The following FAM13A variants were observed in gnomAD, a reference collection of about 807,000 sequenced individuals.
FAM13A encodes family with sequence similarity 13 member A.
FAM13A carries 76 observed loss-of-function variants against 129.6 expected under a neutral mutation model. The observed-to-expected ratio is 0.59, with a 90% CI of 0.49 to 0.71. The LOEUF is 0.71. Ranked by LOEUF, FAM13A falls within the 30% of genes least tolerant of loss-of-function variation. The probability of loss-of-function intolerance (pLI) is 0.00; values close to 1 mark genes in which losing one functional copy is unlikely to be tolerated. For synonymous variants in FAM13A, 443 were observed against 449.9 expected (o/e 0.98, Z 0.20); for missense variants, 1,108 against 1,249.3 (o/e 0.89, Z 1.70).
At chr4:88,766,772 A>G (rs1282609541) in intron 13 of FAM13A, among the ~76,000 whole-genome samples, 1 of 152,220 alleles carries the variant, frequency 6.6e-6, no homozygotes, top group African/African-American at 2.4e-5. Context: ...AACAGAGACT[A>G]AGAATCATTG....
At chr4:88,749,670 AG>A in intron 16 of FAM13A, 100 bp downstream of exon 16, 1 of 1,238,274 alleles carries the variant, frequency 8.1e-7, no homozygotes, top group African/African-American at 1.5e-5. Context: ...AAGATTCCCT[AG>A]AAGCCTCCCT....
chr4:88,839,083 CT>C (rs1735362015), intron 7 of FAM13A, among the ~76,000 whole-genome samples: 1 of 151,804 alleles, frequency 6.6e-6, no homozygotes, highest in South Asian at 2.1e-4. Context: ...TGTTCCTGGG[CT>C]TTTGTTTTAT....
chr4:88,739,421 G>C (rs1478898944), intron 19 of FAM13A, among the ~76,000 whole-genome samples: 1 of 151,906 alleles, frequency 6.6e-6, no homozygotes, highest in Non-Finnish European at 1.5e-5. Flanking sequence ...TCAAGGTTCA[G>C]AGTTCCCAGA....
intron 2 of FAM13A, among the ~76,000 whole-genome samples, chr4:89,023,128 G>A (rs980720939): frequency 6.6e-6 from 1 of 152,156 alleles, no homozygotes; most frequent in Non-Finnish European, 1.5e-5. Context: ...TAACGAATAC[G>A]ATACGCCTTT....
chr4:88,904,720 C>T (rs760748697), intron 6 of FAM13A, among the ~76,000 whole-genome samples: 2 of 152,052 alleles, frequency 1.3e-5, no homozygotes, highest in Non-Finnish European at 2.9e-5. Flanking sequence ...CCATGGCACA[C>T]CTTTACCTAT....
At chr4:88,747,087 A>G (rs969294993) in intron 18 of FAM13A, 72 bp from the exon 19 acceptor site, 10 of 1,054,956 alleles carry the variant, frequency 9.5e-6, no homozygotes, top group Non-Finnish European at 1.3e-5. Flanking sequence ...CTTTACTTAA[A>G]TTACTAAAGC....
chr4:88,914,995 G>T (rs927126284), intron 5 of FAM13A, among the ~76,000 whole-genome samples: 2 of 152,124 alleles, frequency 1.3e-5, no homozygotes, highest in Non-Finnish European at 2.9e-5. Flanking sequence ...GGTGTGCTGG[G>T]GTCAAACTCA....
chr4:88,762,072 T>C (rs754605026), intron 13 of FAM13A, among the ~76,000 whole-genome samples: 2 of 152,054 alleles, frequency 1.3e-5, no homozygotes, highest in Non-Finnish European at 1.5e-5. Flanking sequence ...ACAGTCTCTG[T>C]GATAAAGTGA....
chr4:88,818,248 C>G (rs1028585553), intron 7 of FAM13A, among the ~76,000 whole-genome samples: 2 of 152,078 alleles, frequency 1.3e-5, no homozygotes, highest in African/African-American at 2.4e-5. Flanking sequence ...TGATCCCCCC[C>G]GGACTTGGCC....
At chr4:88,746,139 T>C (rs1472799260) in intron 19 of FAM13A, among the ~76,000 whole-genome samples, 1 of 152,234 alleles carries the variant, frequency 6.6e-6, no homozygotes, top group Admixed American at 6.5e-5. Flanking sequence ...ACTTTTTGGC[T>C]ATATAAAAAT....
In FAM13A at chr4:88,758,734, C is replaced by T; in HGVS notation, c.1726+20G>A. 1 of 1,604,328 alleles carries T rather than the reference C, an allele frequency of 6.2e-7. No homozygotes were observed. The highest frequency in any genetic ancestry group is 8.5e-7 in the Non-Finnish European group (1 of 1,174,364). ...TATGCTTTAATGATAGCAAATCATC[C>T]AAGTATCAGACAACCCTACCTTCCC... On this transcript the variant is annotated intron_variant, in intron 14 of 23. Transcript: ENST00000264344.
intron 10 of FAM13A, among the ~76,000 whole-genome samples, chr4:88,784,348 C>T (rs1405386305): frequency 6.6e-6 from 1 of 152,166 alleles, no homozygotes; most frequent in African/African-American, 2.4e-5. Flanking sequence ...TATTTAGATA[C>T]AGCTCTGTAT....
intron 1 of FAM13A, among the ~76,000 whole-genome samples, chr4:89,030,203 G>A (rs180789014): frequency 3.3e-5 from 5 of 152,050 alleles, no homozygotes; most frequent in Admixed American, 2.6e-4. Flanking sequence ...AGTTCTTACT[G>A]AGGTTCAAAA....
In FAM13A at chr4:89,056,926, G is replaced by T. The variant is rs768892654; in HGVS notation, c.27+12C>A. On this transcript the variant is annotated intron_variant, in intron 1 of 23. Coordinates refer to ENST00000264344, the MANE Select transcript of FAM13A (RefSeq NM_014883.4). ...CAGTAAACACAGAAGACAGAAGAAG[G>T]CCTATACTTACACAGATGGCTAGAG... 4 of 1,612,954 alleles carry T rather than the reference G, an allele frequency of 2.5e-6. No individual in the cohort carries two copies. The Admixed American group carries it at 6.7e-5, about 27-fold the overall frequency.
chr4:88,788,124 A>C (rs1416817249), intron 9 of FAM13A, among the ~76,000 whole-genome samples, 192 bp from the exon 10 acceptor site: 1 of 152,192 alleles, frequency 6.6e-6, no homozygotes, highest in Non-Finnish European at 1.5e-5. Context: ...AAACTAAACG[A>C]AAACAATTCT....
chr4:88,988,552 T>A (rs1239498532), intron 4 of FAM13A, among the ~76,000 whole-genome samples: 1 of 152,204 alleles, frequency 6.6e-6, no homozygotes, highest in Non-Finnish European at 1.5e-5. Flanking sequence ...TATACAGACA[T>A]AAAATGCATT....
At chr4:89,031,007 C>G (rs1451965812) in intron 1 of FAM13A, among the ~76,000 whole-genome samples, 1 of 152,024 alleles carries the variant, frequency 6.6e-6, no homozygotes, top group East Asian at 1.9e-4. Flanking sequence ...AGGTACAATA[C>G]AGATTTAGTA....
chr4:88,749,122 A>C, intron 16 of FAM13A, 89 bp from the exon 17 acceptor site: 4 of 936,966 alleles, frequency 4.3e-6, no homozygotes, highest in Non-Finnish European at 7.0e-6. Context: ...TTAAATAGGA[A>C]GGAAAAGTTG....
At chr4:88,934,972 C>G (rs1365865498) in intron 5 of FAM13A, among the ~76,000 whole-genome samples, 2 of 152,174 alleles carry the variant, frequency 1.3e-5, no homozygotes, top group African/African-American at 2.4e-5. Flanking sequence ...TCTGGAAAAA[C>G]TCTGTAGGGA....
Sources: allele counts gnomAD v4.1 joint callset (sites outside exome capture counted in the v4.1 genomes callset), GRCh38; gene constraint gnomAD v4.1.1; transcripts MANE v1.5; gene names NCBI Gene and HGNC (gene_info 2026-07-23, HGNC 2026-07-21).